Variants in SLC25A21 observed in about 807,000 individuals in gnomAD.
The protein encoded by SLC25A21 is mitochondrial 2-oxodicarboxylate carrier.
Under a neutral mutation model 43.8 loss-of-function variants are expected in SLC25A21, and 47 were observed. That is an observed-to-expected ratio of 1.07 (90% CI 0.85 to 1.37). The LOEUF (loss-of-function observed/expected upper bound fraction) is 1.37, where lower values mean the gene tolerates loss of function less well. Among genes scored for constraint, SLC25A21 ranks in the 40% most tolerant of loss-of-function variants. The pLI, the probability that SLC25A21 is intolerant of heterozygous loss-of-function variation, is 0.00. For synonymous variants in SLC25A21, 131 were observed against 121.3 expected, an observed-to-expected ratio of 1.08 and a Z score of -0.52; for missense variants, 352 against 350.2, an observed-to-expected ratio of 1.00 and a Z score of -0.04.
chr14:36,926,796 T>A lies in SLC25A21; in HGVS notation c.71-51792A>T, dbSNP rs189790538. On this transcript the variant is annotated intron_variant, in intron 1 of 9. Transcript: ENST00000331299. ...CTACTCTTGCCACCAAAACAATTCA[T>A]TGTGAAAGCTATCTGCTGTGTTTCC... 3.3e-3 allele frequency among the ~76,000 whole-genome samples: 505 copies of A among 152,280 alleles called. 1 individual carries two copies. The highest frequency in any genetic ancestry group is 5.9e-3 in the Non-Finnish European group (404 of 68,014).
At chr14:37,008,251 T>G (rs1228011986) in intron 1 of SLC25A21, among the ~76,000 whole-genome samples, 2 of 152,152 alleles carry the variant, frequency 1.3e-5, no homozygotes, top group African/African-American at 2.4e-5. Flanking sequence ...CCAGGCTTCT[T>G]CTTAATCTAA....
chr14:37,134,322 A>G (rs1963440829), intron 1 of SLC25A21, among the ~76,000 whole-genome samples: 1 of 152,234 alleles, frequency 6.6e-6, no homozygotes, highest in Non-Finnish European at 1.5e-5. Context: ...AAACTATGTG[A>G]AAATTATTTC....
In SLC25A21 at chr14:36,880,837, A is replaced by G. The variant is rs1225367320; in HGVS notation, c.71-5833T>C. On this transcript the variant is annotated intron_variant, in intron 1 of 9. Transcript: ENST00000331299. ...CCTGCTGTGTAAATGTTGGAAAACA[A>G]CTAATCAATCAGCATCTAATAGACT... Among the ~76,000 whole-genome samples the G allele has an allele frequency of 2.6e-5, 4 of 152,194 alleles. No homozygotes were observed. The East Asian group carries it at 5.8e-4, about 22-fold the overall frequency.
chr14:36,900,402 C>T (rs1323714327), intron 1 of SLC25A21, among the ~76,000 whole-genome samples: 1 of 152,056 alleles, frequency 6.6e-6, no homozygotes, highest in Admixed American at 6.5e-5. Context: ...AATCTCTGCG[C>T]AACATCTCTT....
chr14:36,928,827 T>C (rs188635232), intron 1 of SLC25A21, among the ~76,000 whole-genome samples: 4 of 152,272 alleles, frequency 2.6e-5, no homozygotes, highest in East Asian at 1.9e-4. Context: ...TGTGAACAGT[T>C]TGCCTACTTG....
intron 1 of SLC25A21, among the ~76,000 whole-genome samples, chr14:37,119,750 G>C (rs116789685): frequency 0.011 from 1,639 of 152,138 alleles, 30 homozygotes; most frequent in African/African-American, 0.037. Context: ...CCGTCTCTTG[G>C]GGTCTGGATG....
intron 3 of SLC25A21, among the ~76,000 whole-genome samples, chr14:36,756,733 C>T (rs1885946557): frequency 6.6e-6 from 1 of 152,184 alleles, no homozygotes; most frequent in Non-Finnish European, 1.5e-5. Flanking sequence ...TAACCTGGTA[C>T]AGTTCCTTAG....
intron 1 of SLC25A21, among the ~76,000 whole-genome samples, chr14:37,113,635 C>A (rs538422773): frequency 3.3e-5 from 5 of 152,202 alleles, no homozygotes; most frequent in Middle Eastern, 6.8e-3. Context: ...AGGCAGATCA[C>A]CTGAGGTCAG....
intron 1 of SLC25A21, among the ~76,000 whole-genome samples, chr14:37,106,240 G>C (rs1012793580): frequency 6.6e-6 from 1 of 151,946 alleles, no homozygotes; most frequent in African/African-American, 2.4e-5. Context: ...CTGTGGGGTC[G>C]GGCAAAAAGA....
At chr14:37,038,075 T>C (rs900954288) in intron 1 of SLC25A21, among the ~76,000 whole-genome samples, 1 of 152,200 alleles carries the variant, frequency 6.6e-6, no homozygotes, top group Non-Finnish European at 1.5e-5. Flanking sequence ...AGTTCTCAGT[T>C]CAGCGCTTAT....
At chr14:36,685,030 C>T in intron 7 of SLC25A21, 105 bp from the exon 8 acceptor site, 5 of 783,510 alleles carry the variant, frequency 6.4e-6, no homozygotes, top group Non-Finnish European at 9.6e-6. Flanking sequence ...GCACTCCCGG[C>T]ACCCTCCTGT....
At chr14:37,030,360 G>A (rs781734144) in intron 1 of SLC25A21, among the ~76,000 whole-genome samples, 2 of 152,012 alleles carry the variant, frequency 1.3e-5, no homozygotes, top group African/African-American at 2.4e-5. Flanking sequence ...AACCCGGGTC[G>A]TTTGAGGGTC....
chr14:37,164,731 A>G (rs1472270716), intron 1 of SLC25A21, among the ~76,000 whole-genome samples: 3 of 152,316 alleles, frequency 2.0e-5, no homozygotes, highest in African/African-American at 7.2e-5. Context: ...AGAAATTTGA[A>G]AACATCCTAT....
At chr14:36,877,268 C>T (rs748995258) in intron 1 of SLC25A21, among the ~76,000 whole-genome samples, 3 of 152,124 alleles carry the variant, frequency 2.0e-5, no homozygotes, top group Non-Finnish European at 4.4e-5. Flanking sequence ...ACCCACAATA[C>T]CAACAACTTA....
At chr14:37,133,467 A>G (rs553392936) in intron 1 of SLC25A21, among the ~76,000 whole-genome samples, 7 of 151,606 alleles carry the variant, frequency 4.6e-5, no homozygotes, top group Admixed American at 2.0e-4. Flanking sequence ...TCTCTTTCCC[A>G]CTGCCACTGC....
At chr14:37,012,831 C>T (rs563842516) in intron 1 of SLC25A21, among the ~76,000 whole-genome samples, 2 of 152,224 alleles carry the variant, frequency 1.3e-5, no homozygotes, top group South Asian at 4.1e-4. Flanking sequence ...ATCCACAGTG[C>T]GGGGCTGTGT....
chr14:37,026,331 T>G (rs1961092083), intron 1 of SLC25A21, among the ~76,000 whole-genome samples: 1 of 152,166 alleles, frequency 6.6e-6, no homozygotes, highest in African/African-American at 2.4e-5. Flanking sequence ...ATGATTATTC[T>G]CCAATAAACG....
chr14:36,818,364 C>A (rs188458959), intron 2 of SLC25A21, among the ~76,000 whole-genome samples: 1 of 152,338 alleles, frequency 6.6e-6, no homozygotes, highest in Non-Finnish European at 1.5e-5. Context: ...AGCTGACTGT[C>A]TGATGAGTGA....
intron 1 of SLC25A21, among the ~76,000 whole-genome samples, chr14:37,027,223 C>T (rs982110827): frequency 6.6e-6 from 1 of 151,128 alleles, no homozygotes; most frequent in Admixed American, 6.6e-5. Context: ...TCAGAGACTT[C>T]TAGGGATAAT....
Sources: gnomAD v4.1 joint callset for allele counts (sites outside exome capture counted in the v4.1 genomes callset) on GRCh38, gnomAD v4.1.1 for gene constraint, MANE v1.5 for transcripts, NCBI Gene and HGNC (gene_info 2026-07-23, HGNC 2026-07-21) for gene names.